The following FRS2 variants were observed in gnomAD, a reference collection of about 807,000 sequenced individuals.
FRS2 encodes FGFR signalling adaptor.
FRS2 carries 8 observed loss-of-function variants against 43.9 expected under a neutral mutation model. The ratio of observed to expected loss-of-function variants is 0.18; its 90% CI spans 0.11 to 0.33. The LOEUF is 0.33. Among genes scored for constraint, FRS2 ranks in the 10% least tolerant of loss-of-function variants. The pLI is 1.00. For missense variants in FRS2, 534 were observed against 627.6 expected (o/e 0.85, Z 1.59); for synonymous variants, 219 against 220.3 (o/e 0.99, Z 0.05).
At chr12:69,534,716 A>G (rs1211197989) in intron 3 of FRS2, among the ~76,000 whole-genome samples, 3 of 152,206 alleles carry the variant, frequency 2.0e-5, no homozygotes, top group African/African-American at 7.2e-5. Context: ...GGCAGCATGT[A>G]GAAACTACAA....
chr12:69,562,619 G>A (rs1351658397), intron 4 of FRS2, among the ~76,000 whole-genome samples: 11 of 152,100 alleles, frequency 7.2e-5, no homozygotes, highest in African/African-American at 2.7e-4. Flanking sequence ...CAGCAAACTT[G>A]TTATAGCATT....
At chr12:69,472,524 T>C (rs575951498) in intron 1 of FRS2, among the ~76,000 whole-genome samples, 21 of 152,316 alleles carry the variant, frequency 1.4e-4, no homozygotes, top group African/African-American at 5.1e-4. Flanking sequence ...TAGATGTAGT[T>C]ACAGATTTGC....
chr12:69,511,481 CTG>C (rs1033010911), intron 1 of FRS2, among the ~76,000 whole-genome samples: 4 of 152,138 alleles, frequency 2.6e-5, no homozygotes, highest in Non-Finnish European at 5.9e-5. Context: ...GTTCATCAAA[CTG>C]TTAATTATAA....
chr12:69,512,479 A>C (rs1416015749), intron 1 of FRS2, among the ~76,000 whole-genome samples: 1 of 152,180 alleles, frequency 6.6e-6, no homozygotes, highest in Non-Finnish European at 1.5e-5. Flanking sequence ...CTCACACTAC[A>C]TTTAGTATAA....
Position 69,518,003 on chromosome 12 carries a change from T to C in FRS2, c.-260-12862T>C, listed in dbSNP as rs539816631. On this transcript the variant is annotated intron_variant, in intron 1 of 8. Coordinates refer to ENST00000549921, the MANE Select transcript of FRS2 (RefSeq NM_001278356.2). ...GCATTTATATATAAAATATTAAGCA[T>C]TTTTTTTATGTATAAGGAATGAGGC... is the stretch of plus-strand genomic sequence containing the variant. Among the ~76,000 whole-genome samples, 7 of 152,094 alleles carry C rather than the reference T, an allele frequency of 4.6e-5. No individual in the cohort carries two copies. The East Asian group carries it at 1.4e-3, about 29-fold the overall frequency.
intron 1 of FRS2, among the ~76,000 whole-genome samples, chr12:69,490,114 T>C (rs1872331842): frequency 6.6e-6 from 1 of 152,178 alleles, no homozygotes; most frequent in Non-Finnish European, 1.5e-5. Flanking sequence ...CACTACTCTT[T>C]ATGTTACCGT....
In FRS2 at chr12:69,578,851, C is replaced by T. The variant is rs1276965438; in HGVS notation, c.*3896C>T. 1 of 152,466 alleles carries T rather than the reference C, an allele frequency of 6.6e-6. No individual in the cohort carries two copies. Among genetic ancestry groups the T allele is most frequent in the East Asian group, 1.9e-4 (1 of 5,200 alleles). The allele number at this position is 152,466 out of a possible 1,614,324, so 9.4% of individuals were successfully genotyped here. On this transcript the variant is annotated 3_prime_UTR_variant, in exon 9 of 9. Transcript: ENST00000549921. ...AAAAAATTGTCCAACAGTGGGACTA[C>T]CATTGCCAAATTGTATATGAAATAT...
intron 3 of FRS2, among the ~76,000 whole-genome samples, chr12:69,540,300 A>T (rs1484449580): frequency 1.3e-5 from 2 of 151,724 alleles, no homozygotes; most frequent in Non-Finnish European, 2.9e-5. Flanking sequence ...AAAATAACAA[A>T]ATAGACAAGA....
At chr12:69,547,558 A>C (rs1878515104) in intron 3 of FRS2, among the ~76,000 whole-genome samples, 1 of 152,246 alleles carries the variant, frequency 6.6e-6, no homozygotes, top group African/African-American at 2.4e-5. Context: ...AATGCAATTA[A>C]ATCTTATTCA....
intron 1 of FRS2, among the ~76,000 whole-genome samples, chr12:69,524,860 C>T (rs369017232): frequency 6.6e-6 from 1 of 152,128 alleles, no homozygotes; most frequent in African/African-American, 2.4e-5. Flanking sequence ...TCCAGAGGCC[C>T]CTGGTGAGAG....
Position 69,540,272 on chromosome 12 carries a change from A to T in FRS2, c.-122+8216A>T, listed in dbSNP as rs149369404. Among the ~76,000 whole-genome samples the T allele has an allele frequency of 3.9e-3, 594 of 150,562 alleles. 4 individuals are homozygous for T. The highest frequency in any genetic ancestry group is 6.3e-3 in the Non-Finnish European group (430 of 67,890). On this transcript the variant is annotated intron_variant, in intron 3 of 8. Coordinates refer to ENST00000549921, the MANE Select transcript of FRS2 (RefSeq NM_001278356.2). The stretch of plus-strand genomic sequence containing the variant: ...CATCTCAAAAAAAATAAATAAAATT[A>T]AAAAAAATTAAAAAATAAAAATAAC...
At chr12:69,558,433 T>C (rs768652768) in intron 3 of FRS2, among the ~76,000 whole-genome samples, 2 of 152,222 alleles carry the variant, frequency 1.3e-5, no homozygotes, top group African/African-American at 2.4e-5. Flanking sequence ...TGACCCTTGG[T>C]GAAATGGCCA....
intron 3 of FRS2, among the ~76,000 whole-genome samples, chr12:69,550,122 A>G (rs1390557017): frequency 6.6e-6 from 1 of 152,104 alleles, no homozygotes; most frequent in Non-Finnish European, 1.5e-5. Flanking sequence ...TTCAAAACTG[A>G]GCTTATGTTT....
intron 3 of FRS2, among the ~76,000 whole-genome samples, chr12:69,558,842 A>G (rs910614272): frequency 6.6e-6 from 1 of 152,234 alleles, no homozygotes; most frequent in Admixed American, 6.5e-5. Flanking sequence ...AGTGCCTGAC[A>G]CACAGAATAG....
chr12:69,510,475 TAATAAATAATTATTTACTA>T (rs576089043), intron 1 of FRS2, among the ~76,000 whole-genome samples: 1 of 152,332 alleles, frequency 6.6e-6, no homozygotes, highest in South Asian at 2.1e-4. Context: ...CCATGATAGA[TAATAAATAATTATTTACTA>T]AATAAATAAT....
intron 8 of FRS2, among the ~76,000 whole-genome samples, chr12:69,572,686 G>A (rs1850863221): frequency 6.6e-6 from 1 of 152,208 alleles, no homozygotes; most frequent in African/African-American, 2.4e-5. Flanking sequence ...TCCCGAGTAT[G>A]CTAGTTTTCA....
intron 1 of FRS2, among the ~76,000 whole-genome samples, chr12:69,504,603 G>A (rs1293772460): frequency 6.6e-6 from 1 of 152,020 alleles, no homozygotes; most frequent in Non-Finnish European, 1.5e-5. Flanking sequence ...GTTAACAGTT[G>A]CATCCCATTA....
chr12:69,525,449 A>G (rs1876119769), intron 1 of FRS2, among the ~76,000 whole-genome samples: 1 of 152,210 alleles, frequency 6.6e-6, no homozygotes, highest in Admixed American at 6.5e-5. Context: ...AAACAAAACA[A>G]GTAAATGCCA....
intron 1 of FRS2, among the ~76,000 whole-genome samples, chr12:69,482,961 A>G (rs2120770162): frequency 6.6e-6 from 1 of 152,346 alleles, no homozygotes; most frequent in East Asian, 1.9e-4. Flanking sequence ...GGCTCATTTT[A>G]CATTCCCACA....
Sources: gnomAD v4.1 joint callset for allele counts (sites outside exome capture counted in the v4.1 genomes callset) on GRCh38, gnomAD v4.1.1 for gene constraint, MANE v1.5 for transcripts, NCBI Gene and HGNC (gene_info 2026-07-23, HGNC 2026-07-21) for gene names.